The following PDE4B variants were observed in gnomAD, a reference collection of about 807,000 sequenced individuals.
PDE4B encodes the protein phosphodiesterase 4B, also known as 3',5'-cyclic-AMP phosphodiesterase 4B.
PDE4B carries 20 observed loss-of-function variants against 82.2 expected under a neutral mutation model. The observed-to-expected ratio is 0.24, with a 90% CI of 0.17 to 0.35. The LOEUF is 0.35. Among genes scored for constraint, PDE4B ranks in the 10% least tolerant of loss-of-function variants. The pLI is 1.00. For synonymous variants in PDE4B, 320 were observed against 318.9 expected (o/e 1.00, Z -0.04); for missense variants, 655 against 907.2 (o/e 0.72, Z 3.57).
intron 7 of PDE4B, among the ~76,000 whole-genome samples, chr1:66,329,119 G>A (rs542555231): frequency 7.9e-5 from 12 of 152,284 alleles, no homozygotes; most frequent in African/African-American, 2.6e-4. Context: ...AGCTATGTGC[G>A]TGCCCTTAGT....
chr1:65,900,419 G>A (rs2100419004), intron 1 of PDE4B, among the ~76,000 whole-genome samples: 1 of 151,656 alleles, frequency 6.6e-6, no homozygotes, highest in South Asian at 2.1e-4. Flanking sequence ...TTCTTGTTTG[G>A]GATTGCTTTC....
At chr1:65,992,253 CAGTT>C (rs553389845) in intron 3 of PDE4B, among the ~76,000 whole-genome samples, 50 of 152,224 alleles carry the variant, frequency 3.3e-4, no homozygotes, top group Non-Finnish European at 5.3e-4. Context: ...GTGATGAAGA[CAGTT>C]AGCCTCACAA....
At chr1:65,844,127 T>C (rs1646241004) in intron 1 of PDE4B, among the ~76,000 whole-genome samples, 1 of 152,190 alleles carries the variant, frequency 6.6e-6, no homozygotes. Context: ...TTGGTACATC[T>C]GAAGTGCCTG....
At chr1:65,811,063 C>G (rs1187523422) in intron 1 of PDE4B, among the ~76,000 whole-genome samples, 1 of 152,146 alleles carries the variant, frequency 6.6e-6, no homozygotes, top group Non-Finnish European at 1.5e-5. Flanking sequence ...TTCCCCCTAC[C>G]CAGTTGTGAC....
At position 66,210,891 on chromosome 1, in the gene PDE4B, A is replaced by T. The variant is rs61798218; in HGVS notation, c.282-36569A>T. On this transcript the variant is annotated intron_variant, in intron 3 of 16. Transcript: ENST00000341517. The stretch of plus-strand genomic sequence containing the variant: ...AGTTATGCATGACTCACTTTCCAGT[A>T]CCTATTCCATTTCTTTTTTGCCTTC... 3.0e-3 allele frequency among the ~76,000 whole-genome samples: 458 copies of T among 152,292 alleles called. 1 individual carries two copies. The highest frequency in any genetic ancestry group is 5.1e-3 in the Non-Finnish European group (350 of 68,010).
At chr1:66,059,078 A>G (rs1362411356) in intron 3 of PDE4B, among the ~76,000 whole-genome samples, 1 of 152,122 alleles carries the variant, frequency 6.6e-6, no homozygotes, top group Non-Finnish European at 1.5e-5. Flanking sequence ...TCCACCATAT[A>G]CCCTCAATCA....
intron 1 of PDE4B, among the ~76,000 whole-genome samples, chr1:65,898,786 C>T (rs542844715): frequency 1.3e-5 from 2 of 152,080 alleles, no homozygotes; most frequent in African/African-American, 2.4e-5. Context: ...AAACTGGAAC[C>T]TCATCTCTCA....
intron 3 of PDE4B, among the ~76,000 whole-genome samples, chr1:66,022,298 A>G (rs966763711): frequency 6.6e-6 from 1 of 152,150 alleles, no homozygotes; most frequent in African/African-American, 2.4e-5. Context: ...AATACCCTGT[A>G]TTTCTTTCTC....
chr1:65,879,261 C>A lies in PDE4B; in HGVS notation c.-70-33984C>A, dbSNP rs189449085. Among the ~76,000 whole-genome samples the A allele has an allele frequency of 2.6e-5, 4 of 152,102 alleles. No individual in the cohort carries two copies. In the East Asian group the frequency reaches 7.7e-4, roughly 29 times the overall value. On this transcript the variant is annotated intron_variant, in intron 1 of 16. Coordinates refer to ENST00000341517, the MANE Select transcript of PDE4B (RefSeq NM_002600.4). ...AGAGTGGGTCCCAGGGAAAACAGGC[C>A]CAGAACTAACAGATAACTACTGTGT...
At chr1:66,031,389 C>T (rs1205007368) in intron 3 of PDE4B, among the ~76,000 whole-genome samples, 1 of 152,120 alleles carries the variant, frequency 6.6e-6, no homozygotes, top group Non-Finnish European at 1.5e-5. Flanking sequence ...GATTCTCAAT[C>T]AGGAGAAAAG....
chr1:65,855,956 T>C (rs1038778883), intron 1 of PDE4B, among the ~76,000 whole-genome samples: 13 of 152,156 alleles, frequency 8.5e-5, no homozygotes, highest in Non-Finnish European at 1.8e-4. Flanking sequence ...TTTTTTTGTA[T>C]CTTTTCCCAG....
chr1:66,238,715 A>G (rs1315410171), intron 3 of PDE4B, among the ~76,000 whole-genome samples: 2 of 143,426 alleles, frequency 1.4e-5, no homozygotes, highest in Non-Finnish European at 3.1e-5. Flanking sequence ...ATTTACTACT[A>G]TGAGGGAGAA....
rs189473855 is a variant in PDE4B at position 65,996,134 on chromosome 1, A to G, written c.281+77299A>G. Among the ~76,000 whole-genome samples the G allele has an allele frequency of 3.9e-3, 601 of 152,252 alleles. 19 individuals are homozygous for G. The South Asian group carries it at 0.063, about 16-fold the overall frequency. On this transcript the variant is annotated intron_variant, in intron 3 of 16. Transcript: ENST00000341517. ...AGTATTTACAAAATCCTAAATCTGGAAGGAATTTGGATGATTATCTCATTG... is the reference window on the plus strand; with the variant it reads ...AGTATTTACAAAATCCTAAATCTGGGAGGAATTTGGATGATTATCTCATTG...
At chr1:66,271,484 G>A (rs1485643494) in intron 7 of PDE4B, among the ~76,000 whole-genome samples, 1 of 152,150 alleles carries the variant, frequency 6.6e-6, no homozygotes, top group African/African-American at 2.4e-5. Context: ...GGCCCTCCCA[G>A]AGGCAAATCG....
At chr1:66,096,619 T>C in intron 3 of PDE4B, among the ~76,000 whole-genome samples, 1 of 149,424 alleles carries the variant, frequency 6.7e-6, no homozygotes, top group Middle Eastern at 3.5e-3. Flanking sequence ...ACCATATTTT[T>C]ATATATCAAG....
chr1:66,125,225 G>A (rs546142300), intron 3 of PDE4B, among the ~76,000 whole-genome samples: 78 of 147,574 alleles, frequency 5.3e-4, no homozygotes, highest in Non-Finnish European at 9.8e-4. Context: ...ATGCAGTGGC[G>A]TGATCCTGGC....
At chr1:65,974,662 C>T (rs1422580130) in intron 3 of PDE4B, among the ~76,000 whole-genome samples, 1 of 151,984 alleles carries the variant, frequency 6.6e-6, no homozygotes, top group East Asian at 1.9e-4. Flanking sequence ...GGTGGAATTT[C>T]CCTTGGTGTT....
At chr1:65,856,257 G>A (rs1045343626) in intron 1 of PDE4B, among the ~76,000 whole-genome samples, 2 of 152,140 alleles carry the variant, frequency 1.3e-5, no homozygotes, top group African/African-American at 4.8e-5. Context: ...TGTTACATGA[G>A]TATACATGTG....
chr1:66,116,697 G>A (rs527340292), intron 3 of PDE4B, among the ~76,000 whole-genome samples: 1 of 152,136 alleles, frequency 6.6e-6, no homozygotes, highest in Admixed American at 6.5e-5. Context: ...CTGAGTACCT[G>A]GGATTACAGG....
Sources: gnomAD v4.1 joint callset for allele counts (sites outside exome capture counted in the v4.1 genomes callset) on GRCh38, gnomAD v4.1.1 for gene constraint, MANE v1.5 for transcripts, NCBI Gene and HGNC (gene_info 2026-07-23, HGNC 2026-07-21) for gene names.